PACS1: variants seen among roughly 807,000 people sequenced by gnomAD.
The protein encoded by PACS1 is PACS-1.
Under a neutral mutation model 115.0 loss-of-function variants are expected in PACS1, and 24 were observed. The observed-to-expected ratio is 0.21, with a 90% confidence interval of 0.15 to 0.29. The LOEUF (loss-of-function observed/expected upper bound fraction) is 0.29. Among genes scored for constraint, PACS1 ranks in the 10% least tolerant of loss-of-function variants. PACS1 has a pLI of 1.00. For synonymous variants in PACS1, 453 were observed against 504.5 expected (o/e 0.90, Z 1.37); for missense variants, 838 against 1,251.2 (o/e 0.67, Z 4.98).
chr11:66,202,745 AT>A (rs1177774448), intron 2 of PACS1, among the ~76,000 whole-genome samples: 837 of 30,666 alleles, frequency 0.027, 106 homozygotes, highest in South Asian at 0.05. Context: ...AAAAAAAAAT[AT>A]ATATATATAT....
rs376962843 is a variant in PACS1, at chr11:66,149,293, C to T, written c.357-44193C>T. The stretch of plus-strand genomic sequence containing the variant: ...TTTTAGTAGAGACAGGTTTTCACCA[C>T]GTTGGTCAGGCTGGTCTCGAACCCC... On this transcript the variant is annotated intron_variant, in intron 1 of 23. Transcript: ENST00000320580. Among the ~76,000 whole-genome samples, 5 of 151,852 alleles carry T rather than the reference C, an allele frequency of 3.3e-5. No individual in the cohort carries two copies. The South Asian group carries it at 8.3e-4, about 25-fold the overall frequency.
intron 1 of PACS1, among the ~76,000 whole-genome samples, chr11:66,101,944 A>T (rs139331450): frequency 3.3e-4 from 50 of 152,244 alleles, no homozygotes; most frequent in African/African-American, 1.2e-3. Context: ...TTAAGTTCTG[A>T]TCTTTAAAAA....
chr11:66,126,200 C>T (rs1346145892), intron 1 of PACS1, among the ~76,000 whole-genome samples: 1 of 152,160 alleles, frequency 6.6e-6, no homozygotes, highest in Admixed American at 6.5e-5. Context: ...TAGTTGTATA[C>T]AGTAATCTCT....
rs1857283861 is a variant in PACS1 at position 66,070,330 on chromosome 11, G to T, written c.-157G>T. On this transcript the variant is annotated 5_prime_UTR_variant, in exon 1 of 24. Transcript: ENST00000320580. The surrounding 1 kb of genome is among the most constrained non-coding windows in gnomAD (Gnocchi z 5.9). ...CGGCGGTCGAGCGCGAGGCCCGCGCGCCCAGAGGCCCCGCGCGTGCGTGCA... is the reference window on the plus strand; with the variant it reads ...CGGCGGTCGAGCGCGAGGCCCGCGCTCCCAGAGGCCCCGCGCGTGCGTGCA... 1 of 256,722 alleles carries T rather than the reference G, an allele frequency of 3.9e-6. No individual in the cohort carries two copies. 15.9% of individuals were successfully genotyped at this position (256,722 alleles called of 1,614,324 possible). A position where few individuals can be genotyped will look rare whatever the true frequency, so the allele number is the denominator to read the frequency against.
chr11:66,133,775 GATT>G (rs1050644715), intron 1 of PACS1, among the ~76,000 whole-genome samples: 2 of 152,150 alleles, frequency 1.3e-5, no homozygotes, highest in Non-Finnish European at 2.9e-5. Context: ...AAAGTGCTGG[GATT>G]ACAGGTGTGA....
Position 66,229,846 on chromosome 11 carries a change from T to C in PACS1, c.1375-702T>C, listed in dbSNP as rs141548974. 4.3e-3 allele frequency among the ~76,000 whole-genome samples: 647 copies of C among 152,152 alleles called. 4 individuals are homozygous for C. Among genetic ancestry groups the C allele is most frequent in the Non-Finnish European group, 7.6e-3 (516 of 68,020 alleles). ...TTGTAATCCCAGCTAGTCGGGAGGC[T>C]GAAGCAGGAGAATTGCTTGAACTTG... On this transcript the variant is annotated intron_variant, in intron 11 of 23. Coordinates refer to ENST00000320580, the MANE Select transcript of PACS1 (RefSeq NM_018026.4).
At chr11:66,203,324 G>T (rs1216934196) in intron 2 of PACS1, among the ~76,000 whole-genome samples, 1 of 152,046 alleles carries the variant, frequency 6.6e-6, no homozygotes, top group Non-Finnish European at 1.5e-5. Context: ...ATTAAAAACT[G>T]TAAAACATTG....
At chr11:66,222,981 G>C (rs1855386931) in intron 10 of PACS1, among the ~76,000 whole-genome samples, 1 of 141,204 alleles carries the variant, frequency 7.1e-6, no homozygotes, top group African/African-American at 2.7e-5. Context: ...CCCTGCCCCT[G>C]CAGACCCTGC....
intron 1 of PACS1, among the ~76,000 whole-genome samples, chr11:66,114,893 A>G (rs1858269941): frequency 6.6e-6 from 1 of 152,164 alleles, no homozygotes; most frequent in Non-Finnish European, 1.5e-5. Context: ...AAAGAAGCAT[A>G]CATCTCTAAG....
At chr11:66,108,274 G>T (rs186536017) in intron 1 of PACS1, among the ~76,000 whole-genome samples, 1 of 152,252 alleles carries the variant, frequency 6.6e-6, no homozygotes, top group African/African-American at 2.4e-5. Flanking sequence ...CCTTTCCTCT[G>T]TGCACAGAGA....
chr11:66,230,740 G>C, intron 12 of PACS1, 65 bp from the exon 13 acceptor site: 1 of 1,612,782 alleles, frequency 6.2e-7, no homozygotes. Flanking sequence ...GAGGGAAAGC[G>C]GGGCTGGCAG....
chr11:66,232,377 G>A (rs2134738250), intron 14 of PACS1, 101 bp downstream of exon 14: 5 of 681,590 alleles, frequency 7.3e-6, no homozygotes, highest in Non-Finnish European at 1.3e-5. Context: ...GGGAGGTGGG[G>A]AACTCACCCC....
At chr11:66,136,433 C>T (rs1858849039) in intron 1 of PACS1, among the ~76,000 whole-genome samples, 1 of 152,014 alleles carries the variant, frequency 6.6e-6, no homozygotes, top group Admixed American at 6.6e-5. Context: ...CTAACATCCC[C>T]ACTCCAGAGA....
At position 66,136,323 on chromosome 11, in the gene PACS1, T is replaced by TCACACACACACACACACA. The variant is rs61577143; in HGVS notation, c.357-57149_357-57132dup. 4.2e-3 allele frequency among the ~76,000 whole-genome samples: 614 copies of TCACACACACACACACACA among 145,898 alleles called. 4 individuals carry two copies. Among genetic ancestry groups the TCACACACACACACACACA allele is most frequent in the Non-Finnish European group, 6.0e-3 (400 of 66,550 alleles). ...GAAACAGGACTGCCCAATCCCACTG[T>TCACACACACACACACACA]CACACACACACACACACACACACAC... On this transcript the variant is annotated intron_variant, in intron 1 of 23. Coordinates refer to ENST00000320580, the MANE Select transcript of PACS1 (RefSeq NM_018026.4).
chr11:66,077,288 C>T (rs888167658), intron 1 of PACS1, among the ~76,000 whole-genome samples: 3 of 152,164 alleles, frequency 2.0e-5, no homozygotes, highest in Admixed American at 6.5e-5. Flanking sequence ...CAAGGCTGGG[C>T]GTGGTGGCTC....
rs79905552 is a variant in PACS1 at position 66,207,415 on chromosome 11, C to G, written c.445-2947C>G. ...CTGGGAGGCGGAGATTGCAGTGAGC[C>G]GAGATCACACTACTGTACTCCAGCC... On this transcript the variant is annotated intron_variant, in intron 2 of 23. Coordinates refer to ENST00000320580, the MANE Select transcript of PACS1 (RefSeq NM_018026.4). Among the ~76,000 whole-genome samples, 1,835 of 151,578 alleles carry G rather than the reference C, an allele frequency of 0.012. 94 individuals are homozygous for G. The East Asian group carries it at 0.17, about 14-fold the overall frequency.
chr11:66,216,419 C>T, intron 5 of PACS1, 101 bp from the exon 6 acceptor site: 1 of 1,415,782 alleles, frequency 7.1e-7, no homozygotes, highest in Non-Finnish European at 9.9e-7. Flanking sequence ...TCCACCCTGG[C>T]TGTGTTTCCA....
chr11:66,238,991 C>T (rs1855757415), intron 20 of PACS1, 145 bp downstream of exon 20: 7 of 1,384,264 alleles, frequency 5.1e-6, no homozygotes, highest in East Asian at 4.9e-5. Context: ...CCTCACTCCC[C>T]TGCTGCGGTG....
At chr11:66,167,066 TCA>T (rs966154325) in intron 1 of PACS1, among the ~76,000 whole-genome samples, 1 of 150,458 alleles carries the variant, frequency 6.6e-6, no homozygotes, top group Non-Finnish European at 1.5e-5. Context: ...TGCCGCATCT[TCA>T]CACACACCTA....
Sources: gnomAD v4.1 joint callset for allele counts (sites outside exome capture counted in the v4.1 genomes callset) on GRCh38, gnomAD v4.1.1 for gene constraint, Gnocchi (gnomAD v3.1) non-coding constraint, MANE v1.5 for transcripts, NCBI Gene and HGNC (gene_info 2026-07-23, HGNC 2026-07-21) for gene names.